The following SLC31A1 variants were observed in gnomAD, a reference collection of about 807,000 sequenced individuals.
SLC31A1 encodes solute carrier family 31 member 1, also known as high affinity copper uptake protein 1.
In SLC31A1, 5 loss-of-function variants were observed where a neutral mutation model predicts 17.2. That is an observed-to-expected ratio of 0.29 (90% CI 0.15 to 0.61). SLC31A1 has a LOEUF of 0.61. Ranked by LOEUF, SLC31A1 falls within the 20% of genes least tolerant of loss-of-function variation. The pLI, the probability that SLC31A1 is intolerant of heterozygous loss-of-function variation, is 0.86. For synonymous variants in SLC31A1, 76 were observed against 78.8 expected (o/e 0.96, Z 0.19); for missense variants, 161 against 241.4 (o/e 0.67, Z 2.21).
At chr9:113,250,570 C>G (rs1460366887) in intron 1 of SLC31A1, among the ~76,000 whole-genome samples, 4 of 149,352 alleles carry the variant, frequency 2.7e-5, no homozygotes, top group Admixed American at 1.3e-4. Flanking sequence ...GGAGATATAC[C>G]TAATGCTAGA....
At chr9:113,253,253 C>T (rs1564217343) in intron 1 of SLC31A1, among the ~76,000 whole-genome samples, 1 of 151,998 alleles carries the variant, frequency 6.6e-6, no homozygotes, top group Admixed American at 6.6e-5. Flanking sequence ...CCGCGCCTGG[C>T]CAAGTCTTTT....
Position 113,258,991 on chromosome 9 carries a change from C to A in SLC31A1, c.371+129C>A. The A allele has an allele frequency of 1.0e-6, 1 of 981,652 alleles. No homozygotes were observed. The highest frequency in any genetic ancestry group is 1.6e-6 in the Non-Finnish European group (1 of 624,450). 60.8% of individuals were successfully genotyped at this position (981,652 alleles called of 1,614,324 possible). ...TCTGTATGACCTTGATCAAAACTGTCCTTGGAGGTTTGGGTTTGTAGGTCA... is the reference window on the plus strand; with the variant it reads ...TCTGTATGACCTTGATCAAAACTGTACTTGGAGGTTTGGGTTTGTAGGTCA... On this transcript the variant is annotated intron_variant, in intron 4 of 4. Coordinates refer to ENST00000374212, the MANE Select transcript of SLC31A1 (RefSeq NM_001859.4). This position sits in a 1 kb window ranked among gnomAD's most constrained non-coding sequence, Gnocchi z 4.8.
At chr9:113,231,691 A>G (rs1442452055) in intron 1 of SLC31A1, among the ~76,000 whole-genome samples, 1 of 152,234 alleles carries the variant, frequency 6.6e-6, no homozygotes, top group Non-Finnish European at 1.5e-5. Context: ...TTTTATTCAC[A>G]TGAATTCCAT....
chr9:113,263,405 T>A lies in SLC31A1; in HGVS notation c.*2932T>A, dbSNP rs1420228247. The A allele has an allele frequency of 3.3e-5, 5 of 152,650 alleles. No homozygotes were observed. The highest frequency in any genetic ancestry group is 7.3e-5 in the Non-Finnish European group (5 of 68,044). 9.5% of individuals were successfully genotyped at this position (152,650 alleles called of 1,614,324 possible). A position where few individuals can be genotyped will look rare whatever the true frequency, so the allele number is the denominator to read the frequency against. ...TGATTTCATTAACTTTTCATTTCTG[T>A]ATACCTGTTCATTTGGAATTTAATG... On this transcript the variant is annotated 3_prime_UTR_variant, in exon 5 of 5. Transcript: ENST00000374212.
intron 1 of SLC31A1, among the ~76,000 whole-genome samples, chr9:113,230,692 T>C (rs993892961): frequency 4.6e-5 from 7 of 152,230 alleles, no homozygotes; most frequent in African/African-American, 1.4e-4. Flanking sequence ...CATTTATCAT[T>C]TCTTTATGGT....
intron 1 of SLC31A1, among the ~76,000 whole-genome samples, chr9:113,246,744 C>T (rs1831583756): frequency 6.6e-6 from 1 of 152,102 alleles, no homozygotes; most frequent in Non-Finnish European, 1.5e-5. Flanking sequence ...CAGCTCACTG[C>T]AACCTCCACA....
intron 1 of SLC31A1, among the ~76,000 whole-genome samples, chr9:113,241,126 G>C (rs1014747377): frequency 6.6e-6 from 1 of 151,982 alleles, no homozygotes; most frequent in African/African-American, 2.4e-5. Context: ...GTGAAGCGGA[G>C]TAGATTGAGA....
At chr9:113,231,743 T>C (rs1037731113) in intron 1 of SLC31A1, among the ~76,000 whole-genome samples, 1 of 152,248 alleles carries the variant, frequency 6.6e-6, no homozygotes, top group Non-Finnish European at 1.5e-5. Flanking sequence ...GAATATTAGA[T>C]GAATATGAAC....
intron 1 of SLC31A1, among the ~76,000 whole-genome samples, chr9:113,234,177 G>A (rs1831429494): frequency 6.6e-6 from 1 of 151,844 alleles, no homozygotes; most frequent in Non-Finnish European, 1.5e-5. Flanking sequence ...CTGAGAACAT[G>A]CAATATTTGT....
intron 1 of SLC31A1, among the ~76,000 whole-genome samples, chr9:113,230,037 G>A (rs1461936150): frequency 6.6e-6 from 1 of 152,166 alleles, no homozygotes; most frequent in Non-Finnish European, 1.5e-5. Flanking sequence ...GGATTCAGAA[G>A]ATTTGCTCTT....
In SLC31A1 at chr9:113,262,344, C is replaced by T. The variant is rs902074923; in HGVS notation, c.*1871C>T. 1.6e-4 allele frequency: 24 copies of T among 152,660 alleles called. No individual in the cohort carries two copies. The highest frequency in any genetic ancestry group is 5.3e-4 in the African/African-American group (22 of 41,452). The allele number at this position is 152,660 out of a possible 1,614,324, so 9.5% of individuals were successfully genotyped here. ...TTGTATTCTGTTCAGTTGTAGTCTACACTGCAGTCTTATTCCTGGTTCAAA... is the reference window on the plus strand; with the variant it reads ...TTGTATTCTGTTCAGTTGTAGTCTATACTGCAGTCTTATTCCTGGTTCAAA... On this transcript the variant is annotated 3_prime_UTR_variant, in exon 5 of 5. Coordinates refer to ENST00000374212, the MANE Select transcript of SLC31A1 (RefSeq NM_001859.4).
rs577628922 is a variant in SLC31A1, at chr9:113,233,364, T to C, written c.-36+11686T>C. ...GTGTTTTTTTGTTTTTGGTGGGCTA[T>C]TCAGGATCTCAGATCGAATCCCAAT... On this transcript the variant is annotated intron_variant, in intron 1 of 4. Transcript: ENST00000374212. Among the ~76,000 whole-genome samples, 12 of 152,304 alleles carry C rather than the reference T, an allele frequency of 7.9e-5. No individual in the cohort carries two copies. The South Asian group carries it at 2.5e-3, about 32-fold the overall frequency.
Position 113,260,575 on chromosome 9 carries a change from G to GCCCGGACACA in SLC31A1, c.*103_*104insCCGGACACAC. 1.4e-6 allele frequency: 1 copy of GCCCGGACACA among 734,294 alleles called. No individual in the cohort carries two copies. The allele number at this position is 734,294 out of a possible 1,614,324, so 45.5% of individuals were successfully genotyped here. A position where few individuals can be genotyped will look rare whatever the true frequency, so the allele number is the denominator to read the frequency against. ...ATCATCCCTTCTTGCTCCTCTTTGT[G>GCCCGGACACA]CACGTACACACACACACACACACAC... On this transcript the variant is annotated 3_prime_UTR_variant, in exon 5 of 5. Coordinates refer to ENST00000374212, the MANE Select transcript of SLC31A1 (RefSeq NM_001859.4).
intron 1 of SLC31A1, among the ~76,000 whole-genome samples, chr9:113,253,120 ATTT>A: frequency 1.3e-5 from 2 of 151,802 alleles, no homozygotes; most frequent in South Asian, 4.2e-4. Flanking sequence ...TGCCCGGCTA[ATTT>A]TTTTGTGTTT....
At chr9:113,257,080 A>T in intron 2 of SLC31A1, 33 bp from the exon 3 acceptor site, 1 of 1,565,502 alleles carries the variant, frequency 6.4e-7, no homozygotes, top group Non-Finnish European at 8.8e-7. Context: ...ATTTTCATTC[A>T]TCTCTAACTG....
At chr9:113,245,363 C>T (rs1349535247) in intron 1 of SLC31A1, among the ~76,000 whole-genome samples, 1 of 152,090 alleles carries the variant, frequency 6.6e-6, no homozygotes, top group Admixed American at 6.6e-5. Context: ...GCTGGGATTA[C>T]AGCACTTTGT....
At chr9:113,254,177 C>T (rs1239901627) in intron 1 of SLC31A1, among the ~76,000 whole-genome samples, 1 of 152,094 alleles carries the variant, frequency 6.6e-6, no homozygotes, top group Non-Finnish European at 1.5e-5. Context: ...TGGTCTCGAA[C>T]TCCTGGCCTC....
intron 1 of SLC31A1, among the ~76,000 whole-genome samples, chr9:113,247,564 A>T (rs145069793): frequency 1.3e-5 from 2 of 152,288 alleles, no homozygotes; most frequent in East Asian, 1.9e-4. Context: ...CCATAAATTC[A>T]TATGTATTTT....
At chr9:113,248,462 CTTTTTTTTTTTTTT>C (rs34154634) in intron 1 of SLC31A1, among the ~76,000 whole-genome samples, 5 of 86,552 alleles carry the variant, frequency 5.8e-5, no homozygotes, top group Admixed American at 1.5e-4. Flanking sequence ...GAAAGCAGTC[CTTTTTTTTTTTTTT>C]TTTTTTTTTT....
Sources: allele counts gnomAD v4.1 joint callset (sites outside exome capture counted in the v4.1 genomes callset), GRCh38; gene constraint gnomAD v4.1.1; non-coding constraint Gnocchi (gnomAD v3.1); transcripts MANE v1.5; gene names NCBI Gene and HGNC (gene_info 2026-07-23, HGNC 2026-07-21).